OARD1: variants seen among roughly 807,000 people sequenced by gnomAD.
OARD1 encodes ADP-ribose glycohydrolase OARD1.
In OARD1, 19 loss-of-function variants were observed where a neutral mutation model predicts 19.7. The observed-to-expected ratio is 0.96, with a 90% CI of 0.67 to 1.41. The LOEUF is 1.41. Ranked by LOEUF, OARD1 falls within the 40% of genes most tolerant of loss-of-function variation. OARD1 has a pLI of 0.00. For missense variants in OARD1, 190 were observed against 183.8 expected, an observed-to-expected ratio of 1.03 and a Z score of -0.20; for synonymous variants, 70 against 61.8, an observed-to-expected ratio of 1.13 and a Z score of -0.62.
chr6:41,072,755 GA>G, upstream of OARD1: 1 of 152,994 alleles, frequency 6.5e-6, no homozygotes, highest in Non-Finnish European at 1.5e-5. Flanking sequence ...GTTTTGAGTT[GA>G]AGGGTCTGGC....
intron 1 of OARD1, among the ~76,000 whole-genome samples, chr6:41,091,871 A>G (rs13205065): frequency 0.17 from 25,444 of 152,172 alleles, 2,651 homozygotes; most frequent in South Asian, 0.28. Flanking sequence ...AGCACCTACT[A>G]TGTGCCAGGG....
intron 1 of OARD1, among the ~76,000 whole-genome samples, chr6:41,086,248 T>G (rs1383907111): frequency 6.6e-6 from 1 of 152,196 alleles, no homozygotes; most frequent in Admixed American, 6.5e-5. Flanking sequence ...AGCATTCTGA[T>G]CTTGGCCAAG....
intron 1 of OARD1, chr6:41,079,270 C>T: frequency 9.4e-7 from 1 of 1,063,382 alleles, no homozygotes; most frequent in Non-Finnish European, 1.4e-6. Flanking sequence ...GATACCAGAT[C>T]TTGTGAGATA....
At position 41,065,833 on chromosome 6, in the gene OARD1, G is replaced by T. The variant is rs986870952; in HGVS notation, c.*1502C>A. 1.3e-5 allele frequency: 2 copies of T among 152,204 alleles called. No homozygotes were observed. Among genetic ancestry groups the T allele is most frequent in the African/African-American group, 4.8e-5 (2 of 41,450 alleles). 9.4% of individuals were successfully genotyped at this position (152,204 alleles called of 1,614,324 possible). A position where few individuals can be genotyped will look rare whatever the true frequency, so the allele number is the denominator to read the frequency against. ...TCTTTTATACTTGGGAAAGCAGCAA[G>T]TCCTGTGACAGACCCAAAGTCACTC... On this transcript the variant is annotated 3_prime_UTR_variant, in exon 6 of 6. Coordinates refer to ENST00000424266, the MANE Select transcript of OARD1 (RefSeq NM_001329686.2).
rs1360474276 is a variant in OARD1, at chr6:41,085,833, T to A, written c.-42+11880A>T. 4.6e-5 allele frequency among the ~76,000 whole-genome samples: 7 copies of A among 152,190 alleles called. No homozygotes were observed. In the East Asian group the frequency reaches 1.4e-3, roughly 29 times the overall value. ...TAATTTATAAAATATAGTTAAGGAT[T>A]TTGGTTTTCATTTGCCTTTGTAGGT... is the stretch of plus-strand genomic sequence containing the variant. On this transcript the variant is annotated intron_variant, in intron 1 of 4. Coordinates refer to the OARD1 transcript ENST00000480585.
chr6:41,097,438 A>G lies in OARD1; in HGVS notation c.-42+275T>C, dbSNP rs1425808201. 3.1e-6 allele frequency: 5 copies of G among 1,610,680 alleles called. No individual in the cohort carries two copies. The African/African-American group carries it at 6.7e-5, about 22-fold the overall frequency. On this transcript the variant is annotated intron_variant, in intron 1 of 4. Transcript: ENST00000480585. ...CCACGCCATGTGATGGAGCTGATCAAGGTCATGTTTCTCACTGTTCCAGGA... is the reference window on the plus strand; with the variant it reads ...CCACGCCATGTGATGGAGCTGATCAGGGTCATGTTTCTCACTGTTCCAGGA...
Position 41,067,456 on chromosome 6 carries a change from C to T in OARD1, c.357-19G>A, listed in dbSNP as rs1387793341. The T allele has an allele frequency of 3.3e-6, 5 of 1,532,662 alleles. No individual in the cohort carries two copies. The highest frequency in any genetic ancestry group is 4.5e-6 in the Non-Finnish European group (5 of 1,106,676). 94.9% of individuals were successfully genotyped at this position (1,532,662 alleles called of 1,614,324 possible). A position where few individuals can be genotyped will look rare whatever the true frequency, so the allele number is the denominator to read the frequency against. ...TCCAATCCTGAAAAAGACAAAATAT[C>T]TCCATTGATGGTAACGAAAGTATCT... On this transcript the variant is annotated intron_variant, in intron 5 of 5. Coordinates refer to ENST00000424266, the MANE Select transcript of OARD1 (RefSeq NM_001329686.2).
chr6:41,087,517 C>T (rs1246578069), intron 1 of OARD1, among the ~76,000 whole-genome samples: 1 of 152,180 alleles, frequency 6.6e-6, no homozygotes, highest in Non-Finnish European at 1.5e-5. Context: ...AAGTATCCTC[C>T]TTCCAGACTG....
rs373976632 is a variant in OARD1 at position 41,089,457 on chromosome 6, A to G, written c.-42+8256T>C. 42 of 1,099,668 alleles carry G rather than the reference A, an allele frequency of 3.8e-5. 1 individual carries two copies. In the East Asian group the frequency reaches 6.0e-4, roughly 16 times the overall value. The allele number at this position is 1,099,668 out of a possible 1,614,324, so 68.1% of individuals were successfully genotyped here. A position where few individuals can be genotyped will look rare whatever the true frequency, so the allele number is the denominator to read the frequency against. On this transcript the variant is annotated intron_variant, in intron 1 of 4. Transcript: ENST00000480585. ...TCTACTTCATAATGGAGGGCAGAGC[A>G]GGACTTCTTTTTTCCTCTTCAGAAC... is the stretch of plus-strand genomic sequence containing the variant.
At chr6:41,080,593 A>G (rs1180779883) in intron 1 of OARD1, among the ~76,000 whole-genome samples, 1 of 152,146 alleles carries the variant, frequency 6.6e-6, no homozygotes, top group East Asian at 1.9e-4. Context: ...AACTGTTTTG[A>G]GTTTTTGAGT....
chr6:41,094,494 G>A, intron 1 of OARD1: 1 of 1,612,302 alleles, frequency 6.2e-7, no homozygotes. Flanking sequence ...GTCCCCATAT[G>A]CAGGTAGGAA....
intron 1 of OARD1, chr6:41,071,939 A>G (rs1364040581): frequency 4.9e-6 from 2 of 408,208 alleles, no homozygotes; most frequent in South Asian, 3.8e-5. Flanking sequence ...CATCCCTAAG[A>G]CACGCCTCCT....
chr6:41,097,456 T>A, intron 1 of OARD1: 5 of 1,589,646 alleles, frequency 3.1e-6, no homozygotes, highest in Non-Finnish European at 4.3e-6. Context: ...TTTCTCACTG[T>A]TCCAGGAAAT....
At chr6:41,068,797 C>T in intron 5 of OARD1, 44 bp downstream of exon 5, 1 of 1,051,730 alleles carries the variant, frequency 9.5e-7, no homozygotes. Context: ...TAGTAAACCC[C>T]ACCAATCAAT....
At chr6:41,073,791 C>T (rs1317792037), upstream of OARD1, among the ~76,000 whole-genome samples, 1 of 152,152 alleles carries the variant, frequency 6.6e-6, no homozygotes, top group Non-Finnish European at 1.5e-5. Flanking sequence ...CCGCGCCCCT[C>T]CTCCCAGCCC....
At chr6:41,075,020 A>G (rs899317358), upstream of OARD1, among the ~76,000 whole-genome samples, 2 of 152,196 alleles carry the variant, frequency 1.3e-5, no homozygotes, top group African/African-American at 4.8e-5. Flanking sequence ...GTGCTCTTTC[A>G]TTACTAAAAC....
At chr6:41,087,791 T>G (rs573909353) in intron 1 of OARD1, among the ~76,000 whole-genome samples, 18 of 152,358 alleles carry the variant, frequency 1.2e-4, no homozygotes, top group South Asian at 2.1e-4. Flanking sequence ...GTATTGCAGT[T>G]TTTTAGTTCC....
chr6:41,068,045 T>C (rs1763113832), intron 5 of OARD1, among the ~76,000 whole-genome samples: 1 of 152,148 alleles, frequency 6.6e-6, no homozygotes, highest in South Asian at 2.1e-4. Context: ...AATTGGTAAT[T>C]TCATGTCATA....
chr6:41,089,530 A>G (rs1764141275), intron 1 of OARD1: 2 of 1,501,518 alleles, frequency 1.3e-6, no homozygotes, highest in South Asian at 2.6e-5. Context: ...GGACCAAAGG[A>G]GACCAGTGTC....
Sources: allele counts gnomAD v4.1 joint callset (sites outside exome capture counted in the v4.1 genomes callset), GRCh38; gene constraint gnomAD v4.1.1; transcripts MANE v1.5; gene names NCBI Gene and HGNC (gene_info 2026-07-23, HGNC 2026-07-21).